The following PDE5A variants were observed in gnomAD, a reference collection of about 807,000 sequenced individuals.
PDE5A encodes the protein cGMP-specific 3',5'-cyclic phosphodiesterase.
In PDE5A, 67 loss-of-function variants were observed where a neutral mutation model predicts 110.2. The observed-to-expected ratio is 0.61, with a 90% confidence interval of 0.50 to 0.75. PDE5A has a LOEUF of 0.75. PDE5A is among the 30% of genes least tolerant of loss of function. The pLI is 0.00. For missense variants in PDE5A, 862 were observed against 1,045.1 expected (o/e 0.82, Z 2.42); for synonymous variants, 328 against 351.2 (o/e 0.93, Z 0.74).
intron 3 of PDE5A, among the ~76,000 whole-genome samples, chr4:119,579,047 T>C (rs943056042): frequency 6.6e-6 from 1 of 152,032 alleles, no homozygotes; most frequent in African/African-American, 2.4e-5. Flanking sequence ...CAGACACTTC[T>C]CAAAAGAAGA....
chr4:119,502,353 A>G (rs190827562), intron 19 of PDE5A: 1 of 334,496 alleles, frequency 3.0e-6, no homozygotes, highest in East Asian at 5.0e-5. Flanking sequence ...AAAACAAATT[A>G]CAAAGAACAC....
chr4:119,505,866 C>CTT lies in PDE5A; in HGVS notation c.2254_2255dup (p.Glu753ArgfsTer8). On this transcript the variant is annotated frameshift_variant, in exon 17 of 21. Transcript: ENST00000354960. LOFTEE classifies it high-confidence loss of function. ...GTAAACCTACTTACAAAAACAACTC[C>CTT]TTTTGATGAGGATCTTCCAAATTGA... The CTT allele has an allele frequency of 6.4e-7, 1 of 1,562,974 alleles. No individual in the cohort carries two copies. The highest frequency in any genetic ancestry group is 8.7e-7 in the Non-Finnish European group (1 of 1,151,336).
At position 119,606,822 on chromosome 4, in the gene PDE5A, C is replaced by A; in HGVS notation, c.628G>T (p.Gly210Cys). 2 of 1,614,150 alleles carry A rather than the reference C, an allele frequency of 1.2e-6. No homozygotes were observed. Among genetic ancestry groups the A allele is most frequent in the South Asian group, 1.1e-5 (1 of 91,078 alleles). ...TTTGAAACTTCTTCCAGTGTTGAAC[C>A]TTCAGCAACATCAAAGAGGCGGCTG... ...LISRLFDVAE[G>C]STLEEVSNNC... The change falls in exon 2 of 21, where the codon GGT (glycine) becomes TGT (cysteine). Residue 210 changes from glycine to cysteine, a missense_variant. Gly to Cys is a radical substitution (Grantham distance 159). Coordinates refer to ENST00000354960, the MANE Select transcript of PDE5A (RefSeq NM_001083.4).
chr4:119,495,036 GTTC>G lies in PDE5A; in HGVS notation c.*3562_*3564del. 6.6e-6 allele frequency: 1 copy of G among 152,524 alleles called. No homozygotes were observed. Among genetic ancestry groups the G allele is most frequent in the East Asian group, 1.9e-4 (1 of 5,178 alleles). The allele number at this position is 152,524 out of a possible 1,614,324, so 9.4% of individuals were successfully genotyped here. On this transcript the variant is annotated 3_prime_UTR_variant, in exon 21 of 21. Coordinates refer to ENST00000354960, the MANE Select transcript of PDE5A (RefSeq NM_001083.4). ...TACAAGAATACAAAACTCCTAAAGT[GTTC>G]TTCAACTATCAGCAGGTTAAGTGAT... is the stretch of plus-strand genomic sequence containing the variant.
rs2110473183 is a variant in PDE5A, at chr4:119,525,317, A to T, written c.1779+232T>A. 6.6e-6 allele frequency among the ~76,000 whole-genome samples: 1 copy of T among 151,764 alleles called. No individual in the cohort carries two copies. Among genetic ancestry groups the T allele is most frequent in the East Asian group, 1.9e-4 (1 of 5,154 alleles). ...ACATCCTGCTCCTATTTTTAGGAAC[A>T]CTCTCCCTTAGTCTTCACCCTGATA... On this transcript the variant is annotated intron_variant, in intron 12 of 20. Coordinates refer to ENST00000354960, the MANE Select transcript of PDE5A (RefSeq NM_001083.4). This position sits in a 1 kb window ranked among gnomAD's most constrained non-coding sequence, Gnocchi z 4.3.
rs112081959 is a variant in PDE5A at position 119,558,168 on chromosome 4, C to T, written c.1199+2128G>A. On this transcript the variant is annotated intron_variant, in intron 7 of 20. Transcript: ENST00000354960. ...AACTTCCCACCATGTGGAAATGAGC[C>T]TCCCTTTGGAAATTCCTGGGCAACT... Among the ~76,000 whole-genome samples, 674 of 152,268 alleles carry T rather than the reference C, an allele frequency of 4.4e-3. 10 individuals carry two copies. The highest frequency in any genetic ancestry group is 0.015 in the African/African-American group (623 of 41,546).
intron 1 of PDE5A, among the ~76,000 whole-genome samples, chr4:119,619,686 G>A (rs1047156880): frequency 1.3e-5 from 2 of 152,130 alleles, no homozygotes; most frequent in African/African-American, 2.4e-5. Flanking sequence ...TTACATTTAA[G>A]GCACTGATGA....
chr4:119,622,864 G>GAAAA (rs369291602), intron 1 of PDE5A, among the ~76,000 whole-genome samples: 4 of 97,252 alleles, frequency 4.1e-5, no homozygotes, highest in East Asian at 2.7e-4. Flanking sequence ...ACTCCGTCTC[G>GAAAA]AAAAAAAAAA....
intron 9 of PDE5A, among the ~76,000 whole-genome samples, chr4:119,550,652 G>A (rs971681899): frequency 1.3e-5 from 2 of 152,182 alleles, no homozygotes; most frequent in Admixed American, 6.5e-5. Context: ...GGGGAAAAGT[G>A]AAGATGTGAC....
At chr4:119,589,877 T>C (rs1404689848) in intron 3 of PDE5A, among the ~76,000 whole-genome samples, 1 of 152,174 alleles carries the variant, frequency 6.6e-6, no homozygotes, top group African/African-American at 2.4e-5. Context: ...CAGATCTCCT[T>C]GTTGCCACCT....
In PDE5A at chr4:119,498,317, A is replaced by G. The variant is rs1408908968; in HGVS notation, c.*284T>C. 2 of 298,892 alleles carry G rather than the reference A, an allele frequency of 6.7e-6. No homozygotes were observed. The highest frequency in any genetic ancestry group is 1.3e-5 in the Non-Finnish European group (2 of 159,888). 18.5% of individuals were successfully genotyped at this position (298,892 alleles called of 1,614,324 possible). A position where few individuals can be genotyped will look rare whatever the true frequency, so the allele number is the denominator to read the frequency against. On this transcript the variant is annotated 3_prime_UTR_variant, in exon 21 of 21. Coordinates refer to ENST00000354960, the MANE Select transcript of PDE5A (RefSeq NM_001083.4). ...ACCTCAGTGCAAGAATACTGCATAC[A>G]CTTTGCAGTACACGAAATATCACAA... is the stretch of plus-strand genomic sequence containing the variant.
chr4:119,556,195 G>C (rs756507574), intron 7 of PDE5A, among the ~76,000 whole-genome samples: 5 of 152,130 alleles, frequency 3.3e-5, no homozygotes, highest in Non-Finnish European at 7.4e-5. Flanking sequence ...CCAGAATAAA[G>C]ACCACATTTC....
intron 3 of PDE5A, among the ~76,000 whole-genome samples, chr4:119,585,861 C>T (rs1428683687): frequency 6.6e-6 from 1 of 152,166 alleles, no homozygotes; most frequent in Admixed American, 6.5e-5. Context: ...AAATTGCTCA[C>T]TCTGGAGAAG....
chr4:119,501,083 T>C, intron 20 of PDE5A, 87 bp downstream of exon 20: 1 of 760,944 alleles, frequency 1.3e-6, no homozygotes, highest in Non-Finnish European at 2.2e-6. Context: ...AAGCAAAATA[T>C]AGGCGCCTAA....
rs376109286 is a variant in PDE5A, at chr4:119,498,596, G to T, written c.*5C>A. The T allele has an allele frequency of 2.5e-6, 4 of 1,613,818 alleles. No individual in the cohort carries two copies. In the African/African-American group the frequency reaches 5.3e-5, roughly 22 times the overall value. On this transcript the variant is annotated 3_prime_UTR_variant, in exon 21 of 21. Transcript: ENST00000354960. ...TAAACTTCAACTCTGCATGAAATAG[G>T]CCACTCAGTTCCGCTTGGCCTGGCC...
intron 13 of PDE5A, among the ~76,000 whole-genome samples, chr4:119,520,276 A>G (rs2110469329): frequency 6.6e-6 from 1 of 152,284 alleles, no homozygotes; most frequent in Middle Eastern, 3.4e-3. Flanking sequence ...AATTAAAAAC[A>G]GTTATATGAT....
At position 119,627,432 on chromosome 4, in the gene PDE5A, C is replaced by T. The variant is rs1430110759; in HGVS notation, c.152+1088G>A. 2.9e-6 allele frequency: 1 copy of T among 339,560 alleles called. No homozygotes were observed. The highest frequency in any genetic ancestry group is 4.2e-6 in the Non-Finnish European group (1 of 239,528). The allele number at this position is 339,560 out of a possible 1,614,324, so 21.0% of individuals were successfully genotyped here. On this transcript the variant is annotated intron_variant, in intron 1 of 20. Coordinates refer to ENST00000354960, the MANE Select transcript of PDE5A (RefSeq NM_001083.4). The surrounding 1 kb of genome is among the most constrained non-coding windows in gnomAD (Gnocchi z 4.6). ...CCGGGCGTCGAACCCGGGCGGGCTC[C>T]TCGACCATCACTGCCGGGCGTGTGT...
chr4:119,521,016 C>G lies in PDE5A; in HGVS notation c.1824G>C (p.Lys608Asn). ...WILSVKKNYR[K>N]NVAYHNWRHA... Reference sequence around the variant, plus strand: ...GTCTCCAATTATGATAGGCAACATTCTTCCGATAATTCTTCTTAACACTTA... The same window carrying G: ...GTCTCCAATTATGATAGGCAACATTGTTCCGATAATTCTTCTTAACACTTA... The change falls in exon 13 of 21, where the codon AAG (lysine) becomes AAC (asparagine). Residue 608 changes from lysine (K) to asparagine (N), a missense_variant. Physicochemically the swap from Lys to Asn is moderately conservative, Grantham distance 94. Transcript: ENST00000354960. 1 of 1,612,906 alleles carries G rather than the reference C, an allele frequency of 6.2e-7. No homozygotes were observed. The highest frequency in any genetic ancestry group is 1.1e-5 in the South Asian group (1 of 91,022).
intron 11 of PDE5A, 132 bp downstream of exon 11, chr4:119,538,828 A>G (rs1726819717): frequency 4.0e-6 from 3 of 745,572 alleles, no homozygotes; most frequent in Non-Finnish European, 7.3e-6. Flanking sequence ...TTGTATTATC[A>G]GTGACTTTGC....
Sources: allele counts gnomAD v4.1 joint callset (sites outside exome capture counted in the v4.1 genomes callset), GRCh38; gene constraint gnomAD v4.1.1; non-coding constraint Gnocchi (gnomAD v3.1); transcripts MANE v1.5; gene names NCBI Gene and HGNC (gene_info 2026-07-23, HGNC 2026-07-21).